Variants in OPA3 observed in about 807,000 individuals in gnomAD.
OPA3 encodes the protein outer mitochondrial membrane lipid metabolism regulator OPA3.
OPA3 carries 6 observed loss-of-function variants against 4.0 expected under a neutral mutation model. The observed-to-expected ratio is 1.51, with a 90% CI of 0.83 to 2.99. The LOEUF (loss-of-function observed/expected upper bound fraction) is 2.99. OPA3 is among the 30% of genes most tolerant of loss of function. OPA3 has a pLI of 0.00. For missense variants in OPA3, 235 were observed against 256.2 expected, an observed-to-expected ratio of 0.92 and a Z score of 0.56; for synonymous variants, 105 against 117.1, an observed-to-expected ratio of 0.90 and a Z score of 0.67.
chr19:45,537,411 A>AAAAAAAAAAACAAG (rs1568396410), intron 1 of OPA3, among the ~76,000 whole-genome samples: 24 of 94,898 alleles, frequency 2.5e-4, no homozygotes, highest in African/African-American at 1.1e-3. Context: ...AAAAAAAAAA[A>AAAAAAAAAAACAAG]AAAAAAAAAA....
intron 1 of OPA3, among the ~76,000 whole-genome samples, chr19:45,559,416 TTTTG>T: frequency 7.1e-6 from 1 of 140,058 alleles, no homozygotes; most frequent in African/African-American, 2.7e-5. Context: ...TTTTTTTTTT[TTTTG>T]AGATGGAGTC....
At chr19:45,568,775 C>T (rs1201377087) in intron 1 of OPA3, among the ~76,000 whole-genome samples, 2 of 152,130 alleles carry the variant, frequency 1.3e-5, no homozygotes, top group Admixed American at 6.6e-5. Flanking sequence ...TTTCCCTGGG[C>T]CACAGAGACG....
Position 45,569,585 on chromosome 19 carries a change from C to T in OPA3, c.142+15038G>A, listed in dbSNP as rs568370855. ...CCATTAGAGTTTAGAAGCCGATACT[C>T]ACCACTGCAACCTCCCATACACCAA... On this transcript the variant is annotated intron_variant, in intron 1 of 1. Transcript: ENST00000263275. Among the ~76,000 whole-genome samples, 145 of 152,296 alleles carry T rather than the reference C, an allele frequency of 9.5e-4. 2 individuals are homozygous for T. In the South Asian group the frequency reaches 0.017, roughly 18 times the overall value.
At chr19:45,576,545 C>CA (rs1324308725) in intron 1 of OPA3, among the ~76,000 whole-genome samples, 2 of 145,522 alleles carry the variant, frequency 1.4e-5, no homozygotes, top group Middle Eastern at 3.2e-3. Context: ...TCCCCCCCCC[C>CA]CCAAAAAAAA....
intron 1 of OPA3, among the ~76,000 whole-genome samples, chr19:45,575,906 T>C (rs866283344): frequency 1.3e-5 from 2 of 152,308 alleles, no homozygotes; most frequent in Admixed American, 1.3e-4. Flanking sequence ...GCACCTGCCC[T>C]AAATTTATTA....
exon 2 of OPA3, chr19:45,529,096 G>A: frequency 6.3e-7 from 1 of 1,599,894 alleles, no homozygotes; most frequent in Non-Finnish European, 8.5e-7. Flanking sequence ...TGCAGGCGGC[G>A]GGTCTCGGAG....
intron 1 of OPA3, among the ~76,000 whole-genome samples, chr19:45,563,391 C>T (rs1439096656): frequency 6.6e-6 from 1 of 151,630 alleles, no homozygotes; most frequent in Non-Finnish European, 1.5e-5. Flanking sequence ...ATCTCCTGAC[C>T]TTGTGATCCA....
chr19:45,538,753 C>CATT (rs1359233162), intron 1 of OPA3, among the ~76,000 whole-genome samples: 5 of 151,668 alleles, frequency 3.3e-5, no homozygotes, highest in Non-Finnish European at 7.4e-5. Context: ...ATGCTCAACA[C>CATT]ATTAGTTAGT....
At chr19:45,529,957 C>A (rs1969041252) in intron 1 of OPA3, among the ~76,000 whole-genome samples, 1 of 152,058 alleles carries the variant, frequency 6.6e-6, no homozygotes, top group Non-Finnish European at 1.5e-5. Flanking sequence ...TGGTCTCGAA[C>A]TCCTGGGCTC....
intron 1 of OPA3, among the ~76,000 whole-genome samples, chr19:45,537,260 C>T (rs893065308): frequency 1.3e-5 from 2 of 151,558 alleles, no homozygotes; most frequent in Non-Finnish European, 2.9e-5. Context: ...GCAACCTCAG[C>T]TCACTGCAAC....
chr19:45,541,714 A>AC, downstream of OPA3, among the ~76,000 whole-genome samples: 1 of 151,802 alleles, frequency 6.6e-6, no homozygotes, highest in Non-Finnish European at 1.5e-5. Context: ...ATAGGCACAC[A>AC]CCACCACACC....
intron 1 of OPA3, chr19:45,584,252 C>T: frequency 1.3e-6 from 1 of 796,590 alleles, no homozygotes; most frequent in Non-Finnish European, 1.5e-6. Flanking sequence ...CAAGGACAGC[C>T]GGGCAAAGGA....
chr19:45,543,965 C>T (rs764907691), downstream of OPA3, among the ~76,000 whole-genome samples: 1 of 152,184 alleles, frequency 6.6e-6, no homozygotes, highest in African/African-American at 2.4e-5. Flanking sequence ...GTTCCTGTTG[C>T]TGGCAATGCA....
intron 1 of OPA3, among the ~76,000 whole-genome samples, chr19:45,564,703 C>G (rs1969556923): frequency 6.6e-6 from 1 of 152,134 alleles, no homozygotes; most frequent in Non-Finnish European, 1.5e-5. Flanking sequence ...GCTCCCAGAC[C>G]CCTGCTTCTC....
rs367663395 is a variant in OPA3 at position 45,553,486 on chromosome 19, C to T, written c.*28G>A. 3 of 1,611,678 alleles carry T rather than the reference C, an allele frequency of 1.9e-6. No individual in the cohort carries two copies. Among genetic ancestry groups the T allele is most frequent in the Non-Finnish European group, 2.5e-6 (3 of 1,179,974 alleles). Reference sequence around the variant, plus strand: ...GCCACGTTAGGTACATAGGCCATGTCCAAATTCAGGTTCCATCCAGCAAGC... The same window carrying T: ...GCCACGTTAGGTACATAGGCCATGTTCAAATTCAGGTTCCATCCAGCAAGC... On this transcript the variant is annotated 3_prime_UTR_variant, in exon 2 of 2. Coordinates refer to ENST00000263275, the MANE Select transcript of OPA3 (RefSeq NM_025136.4).
intron 1 of OPA3, 146 bp downstream of exon 1, chr19:45,584,477 C>G: frequency 6.5e-7 from 1 of 1,546,628 alleles, no homozygotes; most frequent in Non-Finnish European, 8.7e-7. Context: ...CCGTACGCCC[C>G]TCTATCAGAA....
At chr19:45,533,121 C>T (rs1411488628) in intron 1 of OPA3, among the ~76,000 whole-genome samples, 1 of 151,564 alleles carries the variant, frequency 6.6e-6, no homozygotes, top group South Asian at 2.1e-4. Context: ...GAACTCCCAA[C>T]CTCAAATGAT....
intron 1 of OPA3, among the ~76,000 whole-genome samples, chr19:45,573,674 C>CAAACAGT (rs1274717521): frequency 1.3e-5 from 2 of 152,168 alleles, no homozygotes; most frequent in Admixed American, 1.3e-4. Flanking sequence ...GGCCGCGCTG[C>CAAACAGT]AAACAGTAAA....
At chr19:45,572,522 T>C (rs1008997864) in intron 1 of OPA3, among the ~76,000 whole-genome samples, 17 of 128,288 alleles carry the variant, frequency 1.3e-4, no homozygotes, top group African/African-American at 4.4e-4. Context: ...ATATGAGATA[T>C]GAGATATATA....
Sources: allele counts gnomAD v4.1 joint callset (sites outside exome capture counted in the v4.1 genomes callset), GRCh38; gene constraint gnomAD v4.1.1; transcripts MANE v1.5; gene names NCBI Gene and HGNC (gene_info 2026-07-23, HGNC 2026-07-21).